Variants in CENPW observed in about 807,000 individuals in gnomAD.
CENPW encodes the protein cancer-up-regulated gene 2 protein.
A neutral mutation model predicts 11.1 loss-of-function variants in CENPW; 3 were observed. The observed-to-expected ratio is 0.27, with a 90% CI of 0.12 to 0.70. CENPW has a LOEUF of 0.70. Among genes scored for constraint, CENPW ranks in the 30% least tolerant of loss-of-function variants. The pLI, the probability that CENPW is intolerant of heterozygous loss-of-function variation, is 0.77. For missense variants in CENPW, 100 were observed against 105.6 expected, an observed-to-expected ratio of 0.95 and a Z score of 0.23; for synonymous variants, 38 against 42.0, an observed-to-expected ratio of 0.91 and a Z score of 0.37.
At chr6:126,406,280 C>T in the CENPW span, among the ~76,000 whole-genome samples, 816 of 151,868 alleles carry the variant, frequency 5.4e-3, 9 homozygotes, top group African/African-American at 0.018. Flanking sequence ...CATCCTTGCT[C>T]CCTGAGATAA....
the CENPW span, among the ~76,000 whole-genome samples, chr6:126,466,286 T>A: frequency 1.3e-5 from 2 of 152,126 alleles, no homozygotes; most frequent in Admixed American, 1.3e-4. Context: ...TAAGGCTAAG[T>A]AACTGTAAAT....
chr6:126,481,147 C>G, the CENPW span, among the ~76,000 whole-genome samples: 2 of 151,966 alleles, frequency 1.3e-5, no homozygotes, highest in African/African-American at 4.8e-5. Context: ...TGCTTCTCCT[C>G]TTGTCGTCTC....
At chr6:126,375,417 G>A in the CENPW span, among the ~76,000 whole-genome samples, 1 of 152,132 alleles carries the variant, frequency 6.6e-6, no homozygotes, top group Admixed American at 6.5e-5. Flanking sequence ...ATTCTGTGTT[G>A]AAAAAACTAT....
chr6:126,370,942 T>G, the CENPW span, among the ~76,000 whole-genome samples: 91 of 151,730 alleles, frequency 6.0e-4, no homozygotes, highest in Middle Eastern at 3.4e-3. Context: ...GTGTGTGTGT[T>G]TTTTTAGTAG....
chr6:126,473,282 G>A, the CENPW span, among the ~76,000 whole-genome samples: 1,704 of 152,140 alleles, frequency 0.011, 32 homozygotes, highest in African/African-American at 0.038. Context: ...AAATACCTAG[G>A]AATGAGATTG....
chr6:126,383,661 A>C, the CENPW span, among the ~76,000 whole-genome samples: 9 of 152,294 alleles, frequency 5.9e-5, no homozygotes, highest in African/African-American at 2.2e-4. Flanking sequence ...TAAACCAACA[A>C]AATTCAGAAA....
At chr6:126,411,035 G>T in the CENPW span, among the ~76,000 whole-genome samples, 1 of 152,044 alleles carries the variant, frequency 6.6e-6, no homozygotes, top group Non-Finnish European at 1.5e-5. Context: ...CTTTAGTGGT[G>T]TCATAGATCC....
chr6:126,421,120 C>G, the CENPW span, among the ~76,000 whole-genome samples: 4 of 152,198 alleles, frequency 2.6e-5, no homozygotes, highest in African/African-American at 9.6e-5. Context: ...TTCTGTTACT[C>G]TTGTTTTGTA....
At chr6:126,346,680 A>T (rs1003376807) in intron 2 of CENPW, among the ~76,000 whole-genome samples, 1 of 152,162 alleles carries the variant, frequency 6.6e-6, no homozygotes, top group Non-Finnish European at 1.5e-5. Flanking sequence ...GCTATAAAGA[A>T]ATACCCAAGA....
chr6:126,346,164 T>G, intron 1 of CENPW, 41 bp from the exon 2 acceptor site: 1 of 1,104,356 alleles, frequency 9.1e-7, no homozygotes. Context: ...AATGCATCAG[T>G]ATTTGAGCTT....
chr6:126,367,842 G>C, the CENPW span, among the ~76,000 whole-genome samples: 1 of 151,828 alleles, frequency 6.6e-6, no homozygotes, highest in Admixed American at 6.6e-5. Context: ...GAGAATTCAG[G>C]AAGGAAAAAA....
At chr6:126,480,582 C>T in the CENPW span, among the ~76,000 whole-genome samples, 1 of 151,910 alleles carries the variant, frequency 6.6e-6, no homozygotes. Context: ...TGACAGGTCA[C>T]CTCAAATACC....
the CENPW span, among the ~76,000 whole-genome samples, chr6:126,393,136 A>G: frequency 1.3e-5 from 2 of 151,856 alleles, no homozygotes; most frequent in Admixed American, 6.6e-5. Flanking sequence ...ATCAGAAGTA[A>G]TGTCTCCTTT....
At chr6:126,383,919 A>G in the CENPW span, among the ~76,000 whole-genome samples, 1 of 151,988 alleles carries the variant, frequency 6.6e-6, no homozygotes, top group Non-Finnish European at 1.5e-5. Flanking sequence ...AATGGACCTG[A>G]TAGACATCTA....
At chr6:126,468,647 T>G in the CENPW span, among the ~76,000 whole-genome samples, 1 of 152,066 alleles carries the variant, frequency 6.6e-6, no homozygotes, top group South Asian at 2.1e-4. Flanking sequence ...GGATGCAGGG[T>G]GCATGGAAAC....
chr6:126,361,613 T>A, the CENPW span, among the ~76,000 whole-genome samples: 13 of 152,156 alleles, frequency 8.5e-5, no homozygotes, highest in East Asian at 2.3e-3. Flanking sequence ...ATTTCTATGT[T>A]CATAACCATG....
chr6:126,369,550 A>G, the CENPW span, among the ~76,000 whole-genome samples: 1 of 152,110 alleles, frequency 6.6e-6, no homozygotes, highest in Non-Finnish European at 1.5e-5. Context: ...GCATTGTTTC[A>G]TATGTTTGTT....
At chr6:126,346,422 G>T in intron 2 of CENPW, 104 bp downstream of exon 2, 1 of 554,330 alleles carries the variant, frequency 1.8e-6, no homozygotes, top group South Asian at 3.5e-5. Context: ...TTTGTTGATT[G>T]AGTCGATATT....
chr6:126,465,546 C>T, the CENPW span, among the ~76,000 whole-genome samples: 2 of 151,802 alleles, frequency 1.3e-5, no homozygotes, highest in Admixed American at 1.3e-4. Context: ...CTCACGTGAA[C>T]ATTAAAAATA....
Sources: allele counts gnomAD v4.1 joint callset (sites outside exome capture counted in the v4.1 genomes callset), GRCh38; gene constraint gnomAD v4.1.1; transcripts MANE v1.5; gene names NCBI Gene and HGNC (gene_info 2026-07-23, HGNC 2026-07-21).